The following CNTN4 variants were observed in gnomAD, a reference collection of about 807,000 sequenced individuals.
CNTN4 encodes the protein contactin 4.
Under a neutral mutation model 122.5 loss-of-function variants are expected in CNTN4, and 77 were observed. The observed-to-expected ratio is 0.63, with a 90% confidence interval of 0.52 to 0.76. The LOEUF (loss-of-function observed/expected upper bound fraction) is 0.76, where lower values mean the gene tolerates loss of function less well. Among genes scored for constraint, CNTN4 ranks in the 30% least tolerant of loss-of-function variants. The probability of loss-of-function intolerance (pLI) is 0.00; values close to 1 mark genes in which losing one functional copy is unlikely to be tolerated. For synonymous variants in CNTN4, 512 were observed against 447.0 expected, an observed-to-expected ratio of 1.15 and a Z score of -1.83; for missense variants, 1,256 against 1,259.1, an observed-to-expected ratio of 1.00 and a Z score of 0.04.
intron 2 of CNTN4, among the ~76,000 whole-genome samples, chr3:2,334,539 T>G (rs1038035037): frequency 6.8e-6 from 1 of 146,544 alleles, no homozygotes; most frequent in African/African-American, 2.5e-5. Flanking sequence ...TACAAGAGGT[T>G]ATATAACTTG....
At chr3:2,257,704 G>C (rs1301905326) in intron 2 of CNTN4, among the ~76,000 whole-genome samples, 2 of 152,174 alleles carry the variant, frequency 1.3e-5, no homozygotes, top group Non-Finnish European at 2.9e-5. Flanking sequence ...CTGGTCATTA[G>C]AGAAACGCAA....
At chr3:2,383,344 T>C (rs925171918) in intron 3 of CNTN4, among the ~76,000 whole-genome samples, 1 of 152,198 alleles carries the variant, frequency 6.6e-6, no homozygotes, top group Non-Finnish European at 1.5e-5. Flanking sequence ...GTGATGATGA[T>C]GATGATGAAA....
At chr3:2,426,014 C>G (rs1470897479) in intron 3 of CNTN4, among the ~76,000 whole-genome samples, 2 of 152,200 alleles carry the variant, frequency 1.3e-5, no homozygotes, top group Non-Finnish European at 2.9e-5. Context: ...CTTCTGCAAG[C>G]AGGGGCAATT....
chr3:2,198,812 G>T (rs2037964275), intron 2 of CNTN4, among the ~76,000 whole-genome samples: 1 of 152,046 alleles, frequency 6.6e-6, no homozygotes, highest in Admixed American at 6.6e-5. Context: ...TATTGTCACA[G>T]ATCCCAAGTT....
At chr3:2,115,992 G>T (rs753211934) in intron 2 of CNTN4, among the ~76,000 whole-genome samples, 1 of 152,186 alleles carries the variant, frequency 6.6e-6, no homozygotes, top group Non-Finnish European at 1.5e-5. Flanking sequence ...TTTATGCAGT[G>T]AGACTTAAAT....
intron 3 of CNTN4, among the ~76,000 whole-genome samples, chr3:2,467,494 G>A (rs2075544890): frequency 6.6e-6 from 1 of 152,134 alleles, no homozygotes. Context: ...GAATAGACAT[G>A]AGCCTGTATC....
chr3:2,724,420 A>T (rs1350474144), intron 4 of CNTN4, among the ~76,000 whole-genome samples: 22 of 152,196 alleles, frequency 1.4e-4, no homozygotes, highest in Admixed American at 1.4e-3. Context: ...GTGAAAAATA[A>T]TTAAAATAGT....
At chr3:2,963,536 G>A (rs948522468) in intron 13 of CNTN4, among the ~76,000 whole-genome samples, 1 of 152,036 alleles carries the variant, frequency 6.6e-6, no homozygotes, top group Non-Finnish European at 1.5e-5. Context: ...TTTCCTTAGG[G>A]CCTTTGCACT....
At chr3:2,443,115 C>A (rs1021210469) in intron 3 of CNTN4, among the ~76,000 whole-genome samples, 1 of 150,590 alleles carries the variant, frequency 6.6e-6, no homozygotes, top group Non-Finnish European at 1.5e-5. Flanking sequence ...TGTAACAAAC[C>A]TTCACATGTA....
chr3:3,042,236 T>G, intron 20 of CNTN4, 74 bp from the exon 21 acceptor site: 1 of 1,069,098 alleles, frequency 9.4e-7, no homozygotes, highest in Non-Finnish European at 1.5e-6. Flanking sequence ...TTATTTTACC[T>G]TATAATGCTA....
chr3:2,969,214 G>A (rs185333764), intron 13 of CNTN4, among the ~76,000 whole-genome samples: 15 of 152,206 alleles, frequency 9.9e-5, no homozygotes, highest in Admixed American at 7.9e-4. Context: ...TCTATTCCCT[G>A]GTGAAACGAC....
intron 3 of CNTN4, among the ~76,000 whole-genome samples, chr3:2,500,525 T>G (rs1180264598): frequency 6.6e-6 from 1 of 152,144 alleles, no homozygotes; most frequent in Non-Finnish European, 1.5e-5. Flanking sequence ...TACAATCTAA[T>G]TGTTATTTCT....
intron 3 of CNTN4, among the ~76,000 whole-genome samples, chr3:2,433,255 A>G (rs1328496608): frequency 6.6e-6 from 1 of 152,194 alleles, no homozygotes; most frequent in Non-Finnish European, 1.5e-5. Context: ...CTACATTCCC[A>G]TGAATAGTGC....
intron 2 of CNTN4, among the ~76,000 whole-genome samples, chr3:2,258,907 G>C (rs984764216): frequency 1.3e-5 from 2 of 152,108 alleles, no homozygotes; most frequent in African/African-American, 4.8e-5. Flanking sequence ...TTAGAGAACT[G>C]TGTGGCCTAA....
chr3:2,400,451 C>CATATATATATA, intron 3 of CNTN4, among the ~76,000 whole-genome samples: 1 of 107,988 alleles, frequency 9.3e-6, no homozygotes, highest in Non-Finnish European at 2.0e-5. Context: ...ATATATATAT[C>CATATATATATA]TCTTTTTTTC....
chr3:2,560,481 C>G (rs1347384992), intron 3 of CNTN4, among the ~76,000 whole-genome samples: 1 of 152,238 alleles, frequency 6.6e-6, no homozygotes. Flanking sequence ...TGACTTCCTT[C>G]TAAGTAAAAC....
chr3:2,206,255 C>G (rs1440982416), intron 2 of CNTN4, among the ~76,000 whole-genome samples: 1 of 152,068 alleles, frequency 6.6e-6, no homozygotes, highest in Non-Finnish European at 1.5e-5. Flanking sequence ...CTAATACTGT[C>G]AACTTATAAA....
chr3:2,578,770 C>T (rs12715075), intron 4 of CNTN4, among the ~76,000 whole-genome samples: 40,367 of 151,920 alleles, frequency 0.27, 5,619 homozygotes, highest in African/African-American at 0.34. Context: ...GTTTGCTCTA[C>T]GCTCTCTCAT....
chr3:2,686,751 T>C (rs1466249916), intron 4 of CNTN4, among the ~76,000 whole-genome samples: 1 of 152,198 alleles, frequency 6.6e-6, no homozygotes, highest in Non-Finnish European at 1.5e-5. Context: ...TCCTGTGCTC[T>C]GAGCACATGC....
Sources: gnomAD v4.1 joint callset for allele counts (sites outside exome capture counted in the v4.1 genomes callset) on GRCh38, gnomAD v4.1.1 for gene constraint, MANE v1.5 for transcripts, NCBI Gene and HGNC (gene_info 2026-07-23, HGNC 2026-07-21) for gene names.